LARGE1: variants seen among roughly 807,000 people sequenced by gnomAD.
LARGE1 encodes the protein xylosyl- and glucuronyltransferase LARGE1.
In LARGE1, 43 loss-of-function variants were observed where a neutral mutation model predicts 87.6. The ratio of observed to expected loss-of-function variants is 0.49; its 90% confidence interval spans 0.38 to 0.63. The LOEUF (loss-of-function observed/expected upper bound fraction) is 0.63. Among genes scored for constraint, LARGE1 ranks in the 30% least tolerant of loss-of-function variants. The pLI, the probability that LARGE1 is intolerant of heterozygous loss-of-function variation, is 0.00. For synonymous variants in LARGE1, 434 were observed against 394.6 expected (o/e 1.10, Z -1.18); for missense variants, 802 against 1,000.2 (o/e 0.80, Z 2.67).
At chr22:33,346,079 C>G (rs1376184612) in intron 9 of LARGE1, among the ~76,000 whole-genome samples, 1 of 152,194 alleles carries the variant, frequency 6.6e-6, no homozygotes, top group Non-Finnish European at 1.5e-5. Flanking sequence ...CTGCCTCCCA[C>G]TTATGATTCC....
chr22:33,508,267 G>A (rs1315847600), intron 6 of LARGE1, among the ~76,000 whole-genome samples: 1 of 152,026 alleles, frequency 6.6e-6, no homozygotes, highest in African/African-American at 2.4e-5. Flanking sequence ...TGTCACCCTG[G>A]GCAAGGCACA....
intron 6 of LARGE1, among the ~76,000 whole-genome samples, chr22:33,547,085 A>C (rs2077380455): frequency 6.6e-6 from 1 of 152,126 alleles, no homozygotes; most frequent in Non-Finnish European, 1.5e-5. Flanking sequence ...TGTGGACTGA[A>C]CTGTTATATG....
chr22:33,272,797 TTGA>T lies in LARGE1; in HGVS notation c.*1627_*1629del, dbSNP rs1568999312. On this transcript the variant is annotated 3_prime_UTR_variant, in exon 15 of 15. Transcript: ENST00000397394. ...CAAGGATGGGATGTTCCCTTTACAA[TTGA>T]TTACCAGGATTTACCCTCCTAGCCC... 1.3e-5 allele frequency: 2 copies of T among 152,168 alleles called. No homozygotes were observed. Among genetic ancestry groups the T allele is most frequent in the Non-Finnish European group, 2.9e-5 (2 of 68,034 alleles). The allele number at this position is 152,168 out of a possible 1,614,324, so 9.4% of individuals were successfully genotyped here. A position where few individuals can be genotyped will look rare whatever the true frequency, so the allele number is the denominator to read the frequency against.
At chr22:33,457,793 G>A (rs1403620001) in intron 6 of LARGE1, among the ~76,000 whole-genome samples, 1 of 152,152 alleles carries the variant, frequency 6.6e-6, no homozygotes, top group Non-Finnish European at 1.5e-5. Flanking sequence ...CAGAGTGGGA[G>A]GTAGAAGGCC....
At chr22:33,430,930 CA>C (rs3841773) in intron 7 of LARGE1, among the ~76,000 whole-genome samples, 76 of 94,084 alleles carry the variant, frequency 8.1e-4, no homozygotes, top group African/African-American at 5.4e-3. Context: ...GCCTCCAGGG[CA>C]GGCTTCACTT....
rs146318905 is a variant in LARGE1 at position 33,430,655 on chromosome 22, G to A, written c.892+1506C>T. On this transcript the variant is annotated intron_variant, in intron 7 of 14. Transcript: ENST00000397394. Reference sequence around the variant, plus strand: ...CAAATGTTAGCTAAGGAATGTCCCCGTCTCTTAGGATGGCCGTCAATACAG... The same window carrying A: ...CAAATGTTAGCTAAGGAATGTCCCCATCTCTTAGGATGGCCGTCAATACAG... Among the ~76,000 whole-genome samples, 524 of 152,274 alleles carry A rather than the reference G, an allele frequency of 3.4e-3. 3 individuals carry two copies. The highest frequency in any genetic ancestry group is 0.012 in the African/African-American group (506 of 41,562).
chr22:33,205,081 G>A (rs1334683915), intron 11 of LARGE1, among the ~76,000 whole-genome samples: 1 of 152,136 alleles, frequency 6.6e-6, no homozygotes, highest in Non-Finnish European at 1.5e-5. Context: ...GATCACAACA[G>A]TATATACTGG....
the LARGE1 span, among the ~76,000 whole-genome samples, chr22:33,129,927 G>C: frequency 6.6e-6 from 1 of 152,190 alleles, no homozygotes; most frequent in Non-Finnish European, 1.5e-5. Flanking sequence ...ATTTTGGGTG[G>C]GGACACACAC....
chr22:33,275,328 C>G lies in LARGE1; in HGVS notation c.2074-704G>C, dbSNP rs560874426. 7.2e-5 allele frequency among the ~76,000 whole-genome samples: 11 copies of G among 152,304 alleles called. No individual in the cohort carries two copies. In the East Asian group the frequency reaches 1.9e-3, roughly 27 times the overall value. On this transcript the variant is annotated intron_variant, in intron 14 of 14. Transcript: ENST00000397394. ...AGGTCATATCGCTTAGAGGAGAACT[C>G]AGCACACTTTTACTCAGATCTATTT...
chr22:33,514,377 A>G (rs781245916), intron 6 of LARGE1, among the ~76,000 whole-genome samples: 1 of 152,164 alleles, frequency 6.6e-6, no homozygotes, highest in Non-Finnish European at 1.5e-5. Context: ...CATATGTATC[A>G]CAGGTGTATA....
chr22:33,223,919 C>T (rs1925582954), intron 11 of LARGE1, among the ~76,000 whole-genome samples: 1 of 152,316 alleles, frequency 6.6e-6, no homozygotes, highest in Non-Finnish European at 1.5e-5. Flanking sequence ...CCCAGCCCCA[C>T]CATTGGTCGG....
intron 1 of LARGE1, among the ~76,000 whole-genome samples, chr22:33,857,207 C>T (rs185037099): frequency 1.8e-3 from 268 of 152,292 alleles, no homozygotes; most frequent in Non-Finnish European, 2.9e-3. Context: ...GGTGAACCAC[C>T]GCACCCAGCC....
chr22:33,450,603 TTAAATAAA>T (rs10605303), intron 6 of LARGE1, among the ~76,000 whole-genome samples: 1,638 of 149,390 alleles, frequency 0.011, 19 homozygotes, highest in African/African-American at 0.033. Flanking sequence ...CAAGATTCTG[TTAAATAAA>T]TAAATAAATA....
At chr22:33,390,642 C>G (rs932787784) in intron 7 of LARGE1, among the ~76,000 whole-genome samples, 3 of 151,508 alleles carry the variant, frequency 2.0e-5, no homozygotes, top group Non-Finnish European at 4.4e-5. Flanking sequence ...AGGCAAGCTG[C>G]TCTTGGCATG....
intron 1 of LARGE1, among the ~76,000 whole-genome samples, chr22:33,822,023 C>T (rs542558130): frequency 6.8e-6 from 1 of 146,688 alleles, no homozygotes; most frequent in Admixed American, 6.9e-5. Flanking sequence ...TGAAAAGATA[C>T]TTCCCTGATC....
intron 8 of LARGE1, 141 bp from the exon 9 acceptor site, chr22:33,382,185 G>T: frequency 1.9e-6 from 2 of 1,042,544 alleles, no homozygotes; most frequent in Non-Finnish European, 2.8e-6. Flanking sequence ...GCACTGTGAG[G>T]CATCTCTCTT....
intron 11 of LARGE1, among the ~76,000 whole-genome samples, chr22:33,312,318 G>A (rs1289586462): frequency 6.6e-6 from 1 of 151,976 alleles, no homozygotes; most frequent in Non-Finnish European, 1.5e-5. Flanking sequence ...GTGCGCGCCT[G>A]TAGTCCCAGC....
intron 11 of LARGE1, among the ~76,000 whole-genome samples, chr22:33,170,355 C>A (rs963643160): frequency 6.6e-6 from 1 of 152,058 alleles, no homozygotes; most frequent in Non-Finnish European, 1.5e-5. Context: ...GATGACAAAG[C>A]AAGACTCCAT....
chr22:33,395,871 A>C (rs2065723421), intron 7 of LARGE1, among the ~76,000 whole-genome samples: 1 of 152,254 alleles, frequency 6.6e-6, no homozygotes, highest in Non-Finnish European at 1.5e-5. Context: ...TTAGGGTTAA[A>C]TAAAGTTAAA....
Sources: gnomAD v4.1 joint callset for allele counts (sites outside exome capture counted in the v4.1 genomes callset) on GRCh38, gnomAD v4.1.1 for gene constraint, MANE v1.5 for transcripts, NCBI Gene and HGNC (gene_info 2026-07-23, HGNC 2026-07-21) for gene names.